SCN3A: variants seen among roughly 807,000 people sequenced by gnomAD.
SCN3A encodes the protein sodium voltage-gated channel alpha subunit 3.
SCN3A carries 60 observed loss-of-function variants against 187.6 expected under a neutral mutation model. That is an observed-to-expected ratio of 0.32 (90% CI 0.26 to 0.40). SCN3A has a LOEUF of 0.40. Among genes scored for constraint, SCN3A ranks in the 10% least tolerant of loss-of-function variants. SCN3A has a pLI of 1.00. For missense variants in SCN3A, 1,601 were observed against 2,428.2 expected (o/e 0.66, Z 7.16); for synonymous variants, 788 against 829.2 (o/e 0.95, Z 0.85).
chr2:165,185,428 G>C (rs892909889), intron 2 of SCN3A, among the ~76,000 whole-genome samples: 1 of 152,192 alleles, frequency 6.6e-6, no homozygotes, highest in Admixed American at 6.5e-5. Context: ...GGGGACTTCA[G>C]TCAAGTCATT....
intron 18 of SCN3A, 152 bp from the exon 19 acceptor site, chr2:165,115,727 A>G: frequency 1.2e-6 from 1 of 814,154 alleles, no homozygotes; most frequent in South Asian, 1.5e-5. Context: ...ATTTAACATA[A>G]ATCAAGTTGT....
At chr2:165,141,141 G>A in intron 12 of SCN3A, 143 bp from the exon 13 acceptor site, 1 of 608,352 alleles carries the variant, frequency 1.6e-6, no homozygotes, top group Admixed American at 3.1e-5. Context: ...AATTTATAGA[G>A]GACACATATA....
intron 2 of SCN3A, among the ~76,000 whole-genome samples, chr2:165,183,307 A>G (rs6755352): frequency 0.1 from 15,706 of 152,250 alleles, 939 homozygotes; most frequent in African/African-American, 0.13. Flanking sequence ...ACAAACACAA[A>G]TTATGACCTT....
chr2:165,092,134 T>A lies in SCN3A; in HGVS notation c.4807+120A>T, dbSNP rs1685134424. On this transcript the variant is annotated intron_variant, in intron 27 of 27. Transcript: ENST00000283254. This position sits in a 1 kb window ranked among gnomAD's most constrained non-coding sequence, Gnocchi z 4.2. ...AGTTTTTATTCAAATATGCTAGTGT[T>A]GAACTTTACATCTATATGCATTATT... 2.0e-6 allele frequency: 2 copies of A among 1,006,278 alleles called. No homozygotes were observed. Among genetic ancestry groups the A allele is most frequent in the South Asian group, 2.6e-5 (2 of 76,386 alleles). 62.3% of individuals were successfully genotyped at this position (1,006,278 alleles called of 1,614,324 possible).
intron 1 of SCN3A, 38 bp downstream of exon 1, chr2:165,203,785 T>C (rs1692463895): frequency 1.3e-5 from 2 of 151,930 alleles, no homozygotes; most frequent in Admixed American, 1.3e-4. Context: ...GGTAGCTAGG[T>C]TCTATGGTGC....
intron 18 of SCN3A, among the ~76,000 whole-genome samples, chr2:165,117,597 G>A (rs73019880): frequency 0.029 from 4,442 of 152,154 alleles, 215 homozygotes; most frequent in African/African-American, 0.1. Context: ...GTTAAGTTGA[G>A]TTCATGAAGA....
intron 1 of SCN3A, among the ~76,000 whole-genome samples, chr2:165,203,513 A>G (rs1481610560): frequency 6.6e-6 from 1 of 152,084 alleles, no homozygotes; most frequent in African/African-American, 2.4e-5. Context: ...CAGGAAACTC[A>G]TTAGACTAGC....
chr2:165,117,495 T>G (rs1686427962), intron 18 of SCN3A, among the ~76,000 whole-genome samples: 1 of 152,090 alleles, frequency 6.6e-6, no homozygotes, highest in Admixed American at 6.6e-5. Context: ...TACATCTATA[T>G]ATACACACAC....
chr2:165,096,715 T>A (rs1325547697), intron 23 of SCN3A, among the ~76,000 whole-genome samples, 195 bp from the exon 24 acceptor site: 1 of 152,190 alleles, frequency 6.6e-6, no homozygotes, highest in Non-Finnish European at 1.5e-5. Flanking sequence ...CTTTTTTTTC[T>A]TGAAAGTATT....
intron 1 of SCN3A, among the ~76,000 whole-genome samples, chr2:165,198,892 A>G (rs941154434): frequency 2.0e-5 from 3 of 152,012 alleles, no homozygotes; most frequent in Non-Finnish European, 4.4e-5. Context: ...CCAAGGAGAC[A>G]GAGAAACTAA....
chr2:165,195,839 T>C (rs990920156), intron 1 of SCN3A, among the ~76,000 whole-genome samples: 2 of 152,154 alleles, frequency 1.3e-5, no homozygotes, highest in African/African-American at 4.8e-5. Context: ...CTCTAGTGTT[T>C]ATTTGCATGA....
chr2:165,102,871 G>A (rs1332356529), intron 21 of SCN3A, among the ~76,000 whole-genome samples: 1 of 152,106 alleles, frequency 6.6e-6, no homozygotes, highest in Non-Finnish European at 1.5e-5. Context: ...GGGATCTGTT[G>A]CGTATTTGAC....
At chr2:165,187,801 A>C (rs1302967398) in intron 1 of SCN3A, among the ~76,000 whole-genome samples, 2 of 152,188 alleles carry the variant, frequency 1.3e-5, no homozygotes, top group African/African-American at 4.8e-5. Flanking sequence ...TGGTAACAAT[A>C]ACACAAATGC....
At chr2:165,091,813 T>G (rs1386046781) in intron 27 of SCN3A, 1 of 268,874 alleles carries the variant, frequency 3.7e-6, no homozygotes, top group East Asian at 1.0e-4. Flanking sequence ...CTACTAAATC[T>G]CAACTCTTCT....
chr2:165,118,983 T>C (rs1184856722), intron 18 of SCN3A, among the ~76,000 whole-genome samples: 1 of 151,338 alleles, frequency 6.6e-6, no homozygotes, highest in Non-Finnish European at 1.5e-5. Flanking sequence ...AGGATGGTCT[T>C]GATCTCCTGA....
intron 9 of SCN3A, among the ~76,000 whole-genome samples, chr2:165,160,658 G>C (rs919481352): frequency 2.0e-5 from 3 of 151,222 alleles, no homozygotes; most frequent in African/African-American, 4.9e-5. Context: ...AATTTTTTGG[G>C]GGGACAGGGT....
Position 165,140,749 on chromosome 2 carries a change from T to G in SCN3A, c.1921A>C (p.Asn641His). 1 of 1,614,060 alleles carries G rather than the reference T, an allele frequency of 6.2e-7. No homozygotes were observed. Among genetic ancestry groups the G allele is most frequent in the Non-Finnish European group, 8.5e-7 (1 of 1,179,966 alleles). The change falls in exon 13 of 28, where the codon AAT (asparagine) becomes CAT (histidine). Residue 641 changes from asparagine (N) to histidine (H), a missense_variant. Asn to His is a moderately conservative substitution (Grantham distance 68). This residue lies in a region of SCN3A where 376 missense variants were observed against 476.0 expected (regional missense o/e 0.79). Coordinates refer to ENST00000283254, the MANE Select transcript of SCN3A (RefSeq NM_006922.4). This position sits in a 1 kb window ranked among gnomAD's most constrained non-coding sequence, Gnocchi z 4.2. ...SSRMVPGLPA[N>H]GKMHSTVDCN... is the part of the protein sequence containing the mutation. ...TCCACAGTGCTGTGCATCTTCCCAT[T>G]TGCTGGAAGCCCTGGCACCATCCTG...
chr2:165,162,854 C>G, intron 7 of SCN3A, 26 bp from the exon 8 acceptor site: 5 of 1,613,418 alleles, frequency 3.1e-6, no homozygotes, highest in Non-Finnish European at 2.5e-6. Context: ...TATAGGTTAC[C>G]TGAGGAAGAG....
intron 2 of SCN3A, chr2:165,179,566 A>T (rs1690704360): frequency 6.6e-6 from 1 of 152,240 alleles, no homozygotes; most frequent in Non-Finnish European, 1.5e-5. Flanking sequence ...TTATTTACTT[A>T]TCAAGGGCTG....
Sources: allele counts gnomAD v4.1 joint callset (sites outside exome capture counted in the v4.1 genomes callset), GRCh38; gene constraint gnomAD v4.1.1; regional missense constraint gnomAD v4.1.1; non-coding constraint Gnocchi (gnomAD v3.1); transcripts MANE v1.5; gene names NCBI Gene and HGNC (gene_info 2026-07-23, HGNC 2026-07-21).